The following EPM2A variants were observed in gnomAD, a reference collection of about 807,000 sequenced individuals.
EPM2A encodes EPM2A glucan phosphatase, laforin, also known as laforin.
In EPM2A, 21 loss-of-function variants were observed where a neutral mutation model predicts 26.5. The observed-to-expected ratio is 0.79, with a 90% confidence interval of 0.56 to 1.14. The LOEUF is 1.14. Among genes scored for constraint, EPM2A ranks in the 50% most tolerant of loss-of-function variants. The pLI is 0.00. For missense variants in EPM2A, 458 were observed against 440.8 expected, an observed-to-expected ratio of 1.04 and a Z score of -0.35; for synonymous variants, 217 against 177.6, an observed-to-expected ratio of 1.22 and a Z score of -1.76.
intron 1 of EPM2A, among the ~76,000 whole-genome samples, chr6:145,708,178 A>G (rs1782333012): frequency 1.3e-5 from 2 of 152,352 alleles, no homozygotes; most frequent in African/African-American, 2.4e-5. Flanking sequence ...TTCAAGAGGA[A>G]GAAGAGCATA....
chr6:145,658,667 T>G (rs1778465553), intron 2 of EPM2A, among the ~76,000 whole-genome samples: 1 of 152,188 alleles, frequency 6.6e-6, no homozygotes, highest in African/African-American at 2.4e-5. Context: ...TTAAGGCTAT[T>G]TCACAAATCA....
intron 2 of EPM2A, among the ~76,000 whole-genome samples, chr6:145,615,467 A>C (rs1310347638): frequency 6.6e-6 from 1 of 152,076 alleles, no homozygotes; most frequent in Non-Finnish European, 1.5e-5. Flanking sequence ...AAAACAGACT[A>C]ATACAGTAAA....
chr6:145,639,769 T>C (rs1406920037), intron 2 of EPM2A: 1 of 152,200 alleles, frequency 6.6e-6, no homozygotes, highest in Non-Finnish European at 1.5e-5. Context: ...TAATGCACAG[T>C]ACCTTCTAAC....
chr6:145,705,929 A>C (rs575552505), intron 1 of EPM2A: 19 of 456,822 alleles, frequency 4.2e-5, no homozygotes, highest in African/African-American at 1.0e-4. Context: ...GCTGGGTAAC[A>C]TGGAAGAAAG....
At chr6:145,549,650 G>T (rs1780628156) in intron 2 of EPM2A, among the ~76,000 whole-genome samples, 1 of 152,084 alleles carries the variant, frequency 6.6e-6, no homozygotes, top group Admixed American at 6.6e-5. Flanking sequence ...TATCCATTAT[G>T]GTAGCAGAGC....
chr6:145,679,344 C>T (rs1247269480), intron 2 of EPM2A, among the ~76,000 whole-genome samples: 5 of 151,576 alleles, frequency 3.3e-5, no homozygotes, highest in Non-Finnish European at 7.4e-5. Context: ...ACCAACATGG[C>T]ACATGTATAC....
chr6:145,395,193 C>T (rs746885842), intron 4 of EPM2A, among the ~76,000 whole-genome samples: 15 of 152,154 alleles, frequency 9.9e-5, no homozygotes, highest in Admixed American at 3.3e-4. Context: ...CGTTTCCAAC[C>T]TGTCTTTAAT....
intron 2 of EPM2A, among the ~76,000 whole-genome samples, chr6:145,685,387 C>G (rs1444089687): frequency 1.3e-5 from 2 of 151,962 alleles, no homozygotes; most frequent in Admixed American, 1.3e-4. Context: ...TCAAAAAATG[C>G]CTGGTAGGGA....
intron 2 of EPM2A, among the ~76,000 whole-genome samples, chr6:145,615,735 G>C (rs1775497046): frequency 6.6e-6 from 1 of 151,994 alleles, no homozygotes; most frequent in African/African-American, 2.4e-5. Flanking sequence ...AACTTGTTGG[G>C]ATCTGGAGTA....
intron 2 of EPM2A, among the ~76,000 whole-genome samples, chr6:145,618,123 T>C (rs1244406344): frequency 6.6e-6 from 1 of 152,090 alleles, no homozygotes; most frequent in African/African-American, 2.4e-5. Context: ...TAAGAGGGGT[T>C]CTATGAAAAT....
intron 4 of EPM2A, among the ~76,000 whole-genome samples, chr6:145,439,899 A>T (rs773695731): frequency 6.6e-6 from 1 of 152,192 alleles, no homozygotes. Flanking sequence ...GCCAGTTCCA[A>T]TGTCCAAAAT....
intron 2 of EPM2A, among the ~76,000 whole-genome samples, chr6:145,525,509 G>C (rs1485177656): frequency 1.3e-5 from 2 of 151,916 alleles, no homozygotes; most frequent in Non-Finnish European, 2.9e-5. Context: ...TTCTTGTAAA[G>C]ATATTTTAAC....
chr6:145,574,968 C>T (rs1781010509), intron 2 of EPM2A, among the ~76,000 whole-genome samples: 1 of 152,136 alleles, frequency 6.6e-6, no homozygotes. Flanking sequence ...GTGTAGTGCA[C>T]CTCCTCATGG....
At chr6:145,462,337 G>A (rs544629541) in intron 4 of EPM2A, among the ~76,000 whole-genome samples, 6 of 152,172 alleles carry the variant, frequency 3.9e-5, no homozygotes, top group South Asian at 2.1e-4. Flanking sequence ...GATCAACCCC[G>A]TGCAACAAAT....
At chr6:145,684,886 C>T (rs1780796454) in intron 2 of EPM2A, 1 of 152,114 alleles carries the variant, frequency 6.6e-6, no homozygotes, top group South Asian at 2.1e-4. Context: ...ATCAGCAAAG[C>T]CAACATCTAC....
At chr6:145,431,019 T>G (rs1778914868) in intron 4 of EPM2A, among the ~76,000 whole-genome samples, 1 of 152,186 alleles carries the variant, frequency 6.6e-6, no homozygotes, top group South Asian at 2.1e-4. Flanking sequence ...AAATAGAGCT[T>G]CTGGTTTCCC....
chr6:145,734,344 C>T (rs998061931), intron 1 of EPM2A, among the ~76,000 whole-genome samples: 1 of 151,438 alleles, frequency 6.6e-6, no homozygotes, highest in South Asian at 2.1e-4. Flanking sequence ...AATTACTATA[C>T]AATTTTTGTA....
intron 1 of EPM2A, among the ~76,000 whole-genome samples, chr6:145,729,644 A>G (rs1776384180): frequency 6.6e-6 from 1 of 152,132 alleles, no homozygotes; most frequent in Non-Finnish European, 1.5e-5. Context: ...GTATCTTGGA[A>G]GTAATTAAGT....
intron 2 of EPM2A, among the ~76,000 whole-genome samples, chr6:145,517,997 C>T (rs1182163270): frequency 6.6e-6 from 1 of 152,148 alleles, no homozygotes; most frequent in Non-Finnish European, 1.5e-5. Context: ...CAATTGATAA[C>T]CACTTAAAAG....
Sources: allele counts gnomAD v4.1 joint callset (sites outside exome capture counted in the v4.1 genomes callset), GRCh38; gene constraint gnomAD v4.1.1; transcripts MANE v1.5; gene names NCBI Gene and HGNC (gene_info 2026-07-23, HGNC 2026-07-21).